RBFOX1: variants seen among roughly 807,000 people sequenced by gnomAD.
The protein encoded by RBFOX1 is RNA binding protein fox-1 homolog 1.
RBFOX1 carries 8 observed loss-of-function variants against 57.7 expected under a neutral mutation model. That is an observed-to-expected ratio of 0.14 (90% CI 0.08 to 0.25). The LOEUF is 0.25. Ranked by LOEUF, RBFOX1 falls within the 10% of genes least tolerant of loss-of-function variation. RBFOX1 has a pLI of 1.00. For missense variants in RBFOX1, 611 were observed against 548.5 expected (o/e 1.11, Z -1.14); for synonymous variants, 326 against 222.4 (o/e 1.47, Z -4.15).
intron 1 of RBFOX1, among the ~76,000 whole-genome samples, chr16:5,442,708 A>G (rs2068121020): frequency 6.6e-6 from 1 of 152,188 alleles, no homozygotes; most frequent in Admixed American, 6.5e-5. Context: ...TCACCTGGCC[A>G]CACACCTAGC....
intron 3 of RBFOX1, among the ~76,000 whole-genome samples, chr16:5,768,715 G>C (rs536421860): frequency 6.6e-6 from 1 of 152,254 alleles, no homozygotes; most frequent in African/African-American, 2.4e-5. Context: ...GCCCACGTAG[G>C]TGCTGTTGAA....
At chr16:6,769,422 A>T (rs1385838390) in intron 3 of RBFOX1, among the ~76,000 whole-genome samples, 2 of 152,206 alleles carry the variant, frequency 1.3e-5, no homozygotes, top group Non-Finnish European at 2.9e-5. Context: ...GCAGTACATC[A>T]GGAATATTTT....
intron 4 of RBFOX1, among the ~76,000 whole-genome samples, chr16:7,464,098 T>G (rs1468353559): frequency 3.9e-5 from 6 of 152,198 alleles, no homozygotes; most frequent in Admixed American, 6.5e-5. Flanking sequence ...ATGATCTGCT[T>G]ACTTGTACAT....
chr16:7,288,284 T>C (rs1603502320), intron 4 of RBFOX1, among the ~76,000 whole-genome samples: 2 of 152,236 alleles, frequency 1.3e-5, no homozygotes, highest in East Asian at 3.9e-4. Flanking sequence ...TCAGACATTC[T>C]ACTTGGAAAT....
chr16:7,009,124 T>C (rs993679610), intron 3 of RBFOX1, among the ~76,000 whole-genome samples: 3 of 1,146 alleles, frequency 2.6e-3, no homozygotes, highest in Admixed American at 0.015. Context: ...CTCCCTCCCT[T>C]CCTCCCTCCA....
chr16:7,217,980 G>T (rs1567753668), intron 4 of RBFOX1, among the ~76,000 whole-genome samples: 1 of 151,554 alleles, frequency 6.6e-6, no homozygotes, highest in East Asian at 2.0e-4. Context: ...CTGCGTGTGT[G>T]CATGTGCATG....
At chr16:7,394,961 C>T (rs750317446) in intron 4 of RBFOX1, among the ~76,000 whole-genome samples, 1 of 152,180 alleles carries the variant, frequency 6.6e-6, no homozygotes, top group Non-Finnish European at 1.5e-5. Context: ...ATATACCCAT[C>T]ATGGTACTGT....
At chr16:5,435,172 C>A (rs969059378) in intron 1 of RBFOX1, among the ~76,000 whole-genome samples, 3 of 152,210 alleles carry the variant, frequency 2.0e-5, no homozygotes, top group African/African-American at 7.2e-5. Flanking sequence ...CCCTGTGGTT[C>A]CCCCTGTTTA....
chr16:6,288,803 G>A (rs954844889), intron 1 of RBFOX1, among the ~76,000 whole-genome samples: 1 of 152,142 alleles, frequency 6.6e-6, no homozygotes, highest in Non-Finnish European at 1.5e-5. Flanking sequence ...GCATTGTAGA[G>A]TGTGTTTTTA....
chr16:6,783,831 G>A (rs190533856), intron 3 of RBFOX1, among the ~76,000 whole-genome samples: 2 of 152,182 alleles, frequency 1.3e-5, no homozygotes, highest in African/African-American at 4.8e-5. Context: ...GACAGATCTA[G>A]TGTTGATGAA....
At chr16:5,555,612 A>G (rs1218540487) in intron 2 of RBFOX1, among the ~76,000 whole-genome samples, 1 of 152,114 alleles carries the variant, frequency 6.6e-6, no homozygotes, top group Non-Finnish European at 1.5e-5. Context: ...AGTTGGAGAG[A>G]CCGTGAAAGT....
intron 3 of RBFOX1, among the ~76,000 whole-genome samples, chr16:6,747,426 A>G (rs546921997): frequency 8.4e-5 from 12 of 143,242 alleles, no homozygotes; most frequent in South Asian, 2.4e-4. Flanking sequence ...AAAAAAATCT[A>G]TCAGTCAGTC....
Position 7,168,676 on chromosome 16 carries a change from C to T in RBFOX1, c.27+116578C>T, listed in dbSNP as rs958850055. 2.6e-5 allele frequency among the ~76,000 whole-genome samples: 4 copies of T among 152,144 alleles called. No individual in the cohort carries two copies. The East Asian group carries it at 7.7e-4, about 29-fold the overall frequency. ...AAGCCTCCACCACTTCTAGCCATAA[C>T]TTCCTTTCCTTCCTGTTACAAATTT... On this transcript the variant is annotated intron_variant, in intron 4 of 15. Transcript: ENST00000550418.
At chr16:6,133,832 T>TAC (rs372151510) in intron 1 of RBFOX1, among the ~76,000 whole-genome samples, 10 of 151,860 alleles carry the variant, frequency 6.6e-5, no homozygotes, top group East Asian at 1.9e-4. Context: ...CAAGCAATAG[T>TAC]ACACACACAC....
chr16:7,438,900 C>A (rs1290120479), intron 4 of RBFOX1, among the ~76,000 whole-genome samples: 2 of 152,182 alleles, frequency 1.3e-5, no homozygotes, highest in South Asian at 2.1e-4. Context: ...ATGAATCCCC[C>A]CCTTCAGCTC....
At chr16:5,381,866 A>T (rs1217987777) in intron 1 of RBFOX1, among the ~76,000 whole-genome samples, 1 of 152,244 alleles carries the variant, frequency 6.6e-6, no homozygotes, top group Non-Finnish European at 1.5e-5. Flanking sequence ...CAGGCTGGCT[A>T]ACTCCAGCGT....
chr16:7,253,983 C>T (rs1348304562), intron 4 of RBFOX1, among the ~76,000 whole-genome samples: 3 of 152,136 alleles, frequency 2.0e-5, no homozygotes, highest in African/African-American at 7.2e-5. Context: ...GAAGAATTGC[C>T]TTGAAAATAC....
chr16:6,707,546 A>G (rs1404231065), intron 3 of RBFOX1, among the ~76,000 whole-genome samples: 2 of 139,812 alleles, frequency 1.4e-5, no homozygotes, highest in Non-Finnish European at 3.0e-5. Context: ...ATCTTGGGGC[A>G]TTTCTAAGAT....
At chr16:6,138,128 C>G (rs930215350) in intron 1 of RBFOX1, among the ~76,000 whole-genome samples, 1 of 152,176 alleles carries the variant, frequency 6.6e-6, no homozygotes, top group African/African-American at 2.4e-5. Flanking sequence ...CATTTGAATT[C>G]TAGTTCTATC....
Sources: gnomAD v4.1 joint callset for allele counts (sites outside exome capture counted in the v4.1 genomes callset) on GRCh38, gnomAD v4.1.1 for gene constraint, MANE v1.5 for transcripts, NCBI Gene and HGNC (gene_info 2026-07-23, HGNC 2026-07-21) for gene names.